The following SMARCD3 variants were observed in gnomAD, a reference collection of about 807,000 sequenced individuals.
SMARCD3 encodes SWI/SNF related BAF chromatin remodeling complex subunit D3.
Under a neutral mutation model 58.0 loss-of-function variants are expected in SMARCD3, and 14 were observed. The ratio of observed to expected loss-of-function variants is 0.24; its 90% CI spans 0.16 to 0.38. The LOEUF (loss-of-function observed/expected upper bound fraction) is 0.38. SMARCD3 is among the 10% of genes least tolerant of loss of function. The probability of loss-of-function intolerance (pLI) is 1.00; values close to 1 mark genes in which losing one functional copy is unlikely to be tolerated. For synonymous variants in SMARCD3, 253 were observed against 253.8 expected (o/e 1.00, Z 0.03); for missense variants, 408 against 636.9 (o/e 0.64, Z 3.87).
chr7:151,249,726 G>A (rs1365334468), upstream of SMARCD3, among the ~76,000 whole-genome samples: 1 of 151,536 alleles, frequency 6.6e-6, no homozygotes, highest in East Asian at 2.0e-4. This position sits in a 1 kb window ranked among gnomAD's most constrained non-coding sequence, Gnocchi z 4.8. Flanking sequence ...TATTGGGCCG[G>A]CCTCAAGACC....
rs1156616954 is a variant in SMARCD3 at position 151,248,403 on chromosome 7, C to T, written c.78+82G>A. Reference sequence around the variant, plus strand: ...CTAGAGGGGTGGGAGAGCGGGAGCGCCCTCCCGGCCCCTCCCGATCAGCCC... The same window carrying T: ...CTAGAGGGGTGGGAGAGCGGGAGCGTCCTCCCGGCCCCTCCCGATCAGCCC... On this transcript the variant is annotated intron_variant, in intron 1 of 12. Coordinates refer to ENST00000262188, the MANE Select transcript of SMARCD3 (RefSeq NM_001003801.2). This position sits in a 1 kb window ranked among gnomAD's most constrained non-coding sequence, Gnocchi z 6.1. The T allele has an allele frequency of 4.2e-6, 5 of 1,195,920 alleles. No homozygotes were observed. The Admixed American group carries it at 7.2e-5, about 17-fold the overall frequency. The allele number at this position is 1,195,920 out of a possible 1,614,324, so 74.1% of individuals were successfully genotyped here.
chr7:151,275,238 G>T, exon 2 of SMARCD3: 1 of 1,134,794 alleles, frequency 8.8e-7, no homozygotes, highest in Non-Finnish European at 1.3e-6. Context: ...AGCACCAAGG[G>T]CCATTCTGAG....
At chr7:151,244,486 C>G (rs1386230351) in intron 2 of SMARCD3, among the ~76,000 whole-genome samples, 3 of 152,082 alleles carry the variant, frequency 2.0e-5, no homozygotes, top group African/African-American at 7.2e-5. Context: ...CCATACTGCC[C>G]CCGTGTGGTG....
intron 8 of SMARCD3, 134 bp from the exon 9 acceptor site, chr7:151,240,656 G>T: frequency 2.9e-5 from 16 of 560,280 alleles, no homozygotes; most frequent in Admixed American, 5.6e-5. Flanking sequence ...ATGGGGATGG[G>T]ATTGGGGTGG....
At chr7:151,266,713 TTTTG>T (rs1012538058) in intron 2 of SMARCD3, among the ~76,000 whole-genome samples, 4 of 152,112 alleles carry the variant, frequency 2.6e-5, no homozygotes, top group African/African-American at 9.7e-5. Context: ...GGGAGGTTTT[TTTTG>T]TTTGTTTGTT....
intron 8 of SMARCD3, 162 bp from the exon 9 acceptor site, chr7:151,240,684 G>C: frequency 1.7e-6 from 1 of 598,472 alleles, no homozygotes; most frequent in Non-Finnish European, 3.0e-6. Flanking sequence ...TGGTGGTGGA[G>C]CCACCGGTAT....
At position 151,248,268 on chromosome 7, in the gene SMARCD3, G is replaced by A. The variant is rs1411911182; in HGVS notation, c.78+217C>T. On this transcript the variant is annotated intron_variant, in intron 1 of 12. Coordinates refer to ENST00000262188, the MANE Select transcript of SMARCD3 (RefSeq NM_001003801.2). The surrounding 1 kb of genome is among the most constrained non-coding windows in gnomAD (Gnocchi z 6.1). ...CGCCCCTGACAAGAGCCATGCAAACGCCTCCCTTCCCCGCCTCGCGTCAGA... is the reference window on the plus strand; with the variant it reads ...CGCCCCTGACAAGAGCCATGCAAACACCTCCCTTCCCCGCCTCGCGTCAGA... Among the ~76,000 whole-genome samples, 1 of 134,932 alleles carries A rather than the reference G, an allele frequency of 7.4e-6. No homozygotes were observed. The highest frequency in any genetic ancestry group is 2.6e-4 in the South Asian group (1 of 3,780). 88.5% of individuals were successfully genotyped at this position (134,932 alleles called of 152,430 possible). A position where few individuals can be genotyped will look rare whatever the true frequency, so the allele number is the denominator to read the frequency against.
At chr7:151,272,379 A>G (rs1160514531) in intron 2 of SMARCD3, among the ~76,000 whole-genome samples, 1 of 152,100 alleles carries the variant, frequency 6.6e-6, no homozygotes, top group African/African-American at 2.4e-5. Flanking sequence ...TTTCCTCACT[A>G]TATGTATCTT....
chr7:151,277,096 G>A (rs1190241699), upstream of SMARCD3: 2 of 150,124 alleles, frequency 1.3e-5, no homozygotes, highest in East Asian at 3.9e-4. Context: ...CGGGACCCCG[G>A]CCCGGAGCGC....
At chr7:151,264,058 A>ATTT (rs780437491) in intron 2 of SMARCD3, among the ~76,000 whole-genome samples, 3,092 of 135,450 alleles carry the variant, frequency 0.023, 142 homozygotes, top group African/African-American at 0.072. Context: ...TGAAGACAGG[A>ATTT]TTTTTTTTTT....
Position 151,248,349 on chromosome 7 carries a change from G to T in SMARCD3, c.78+136C>A. On this transcript the variant is annotated intron_variant, in intron 1 of 12. Transcript: ENST00000262188. This position sits in a 1 kb window ranked among gnomAD's most constrained non-coding sequence, Gnocchi z 6.1. ...TGCCAGGGCGCCAGCACAGTCCCGC[G>T]GCCGGGCCGTGGGCCATGACGCCCC... 2.6e-6 allele frequency: 2 copies of T among 773,278 alleles called. No homozygotes were observed. The highest frequency in any genetic ancestry group is 4.3e-6 in the Non-Finnish European group (2 of 467,320). 47.9% of individuals were successfully genotyped at this position (773,278 alleles called of 1,614,324 possible). A position where few individuals can be genotyped will look rare whatever the true frequency, so the allele number is the denominator to read the frequency against.
In SMARCD3 at chr7:151,242,108, T is replaced by G; in HGVS notation, c.675+29A>C. 1 of 1,582,808 alleles carries G rather than the reference T, an allele frequency of 6.3e-7. No individual in the cohort carries two copies. The highest frequency in any genetic ancestry group is 1.1e-5 in the South Asian group (1 of 90,394). ...ATTCTGGCCTGTGGGAGGGTGGCAA[T>G]TCAAGGGCGGAGGGGCTCTTGGTCT... On this transcript the variant is annotated intron_variant, in intron 6 of 12. Transcript: ENST00000262188. The surrounding 1 kb of genome is among the most constrained non-coding windows in gnomAD (Gnocchi z 4.7).
At chr7:151,269,636 C>T (rs943778280) in intron 2 of SMARCD3, among the ~76,000 whole-genome samples, 4 of 151,894 alleles carry the variant, frequency 2.6e-5, no homozygotes, top group Non-Finnish European at 4.4e-5. Flanking sequence ...GTGGCGTATG[C>T]GGGCAGCATG....
intron 1 of SMARCD3, among the ~76,000 whole-genome samples, chr7:151,276,147 G>T (rs925173717): frequency 1.6e-4 from 25 of 151,530 alleles, no homozygotes; most frequent in Admixed American, 6.6e-5. Context: ...CCAGGGTCGG[G>T]GGGGAGGTGC....
Position 151,241,900 on chromosome 7 carries a change from G to T in SMARCD3, c.754C>A (p.Leu252Met). 6.2e-7 allele frequency: 1 copy of T among 1,611,860 alleles called. No individual in the cohort carries two copies. Among genetic ancestry groups the T allele is most frequent in the Non-Finnish European group, 8.5e-7 (1 of 1,179,106 alleles). Residue 252 changes from leucine to methionine, a missense_variant, in exon 7 of 13, where the codon CTG (leucine) becomes ATG (methionine). Transcript: ENST00000262188. The surrounding 1 kb of genome is among the most constrained non-coding windows in gnomAD (Gnocchi z 5.3). ...RPGDLSVRCT[L>M]LLMLDYQPPQ... ...ACCTGGTAGTCCAGCATGAGGAGCAGCGTGCAGCGCACACTCAGGTCCCCA... is the reference window on the plus strand; with the variant it reads ...ACCTGGTAGTCCAGCATGAGGAGCATCGTGCAGCGCACACTCAGGTCCCCA...
At chr7:151,258,245 C>T (rs1401968450) in intron 2 of SMARCD3, among the ~76,000 whole-genome samples, 1 of 152,088 alleles carries the variant, frequency 6.6e-6, no homozygotes, top group Non-Finnish European at 1.5e-5. Flanking sequence ...ACAGTCTGTT[C>T]TCAACATGGC....
rs1185825641 is a variant in SMARCD3 at position 151,239,542 on chromosome 7, C to G, written c.1297-45G>C. On this transcript the variant is annotated intron_variant, in intron 11 of 12. Coordinates refer to ENST00000262188, the MANE Select transcript of SMARCD3 (RefSeq NM_001003801.2). The surrounding 1 kb of genome is among the most constrained non-coding windows in gnomAD (Gnocchi z 7.0). ...GAGCCCTGAGCCCTGAATCCCCTCACCTGCCCCTGGAGTACAACGTTTACT... is the reference window on the plus strand; with the variant it reads ...GAGCCCTGAGCCCTGAATCCCCTCAGCTGCCCCTGGAGTACAACGTTTACT... The G allele has an allele frequency of 1.9e-6, 3 of 1,609,468 alleles. No individual in the cohort carries two copies. The highest frequency in any genetic ancestry group is 2.6e-6 in the Non-Finnish European group (3 of 1,176,118).
At chr7:151,275,044 G>A (rs886895079) in intron 2 of SMARCD3, 323 of 1,309,394 alleles carry the variant, frequency 2.5e-4, no homozygotes, top group Middle Eastern at 6.5e-4. Context: ...AGCAGGAGCC[G>A]AGGGCTGGCC....
At chr7:151,261,816 G>C (rs541756986) in intron 2 of SMARCD3, among the ~76,000 whole-genome samples, 1 of 152,234 alleles carries the variant, frequency 6.6e-6, no homozygotes, top group African/African-American at 2.4e-5. Flanking sequence ...GGGTACAAGC[G>C]AGGGCCGAGC....
Sources: allele counts gnomAD v4.1 joint callset (sites outside exome capture counted in the v4.1 genomes callset), GRCh38; gene constraint gnomAD v4.1.1; non-coding constraint Gnocchi (gnomAD v3.1); transcripts MANE v1.5; gene names NCBI Gene and HGNC (gene_info 2026-07-23, HGNC 2026-07-21).